Variants in FBP1 observed in about 807,000 individuals in gnomAD.
FBP1 encodes the protein fructose-1,6-bisphosphatase 1.
Under a neutral mutation model 29.9 loss-of-function variants are expected in FBP1, and 22 were observed. That is an observed-to-expected ratio of 0.74 (90% CI 0.53 to 1.05). FBP1 has a LOEUF of 1.05. Ranked by LOEUF, FBP1 falls within the 50% of genes least tolerant of loss-of-function variation. The pLI is 0.00. For missense variants in FBP1, 345 were observed against 448.2 expected (o/e 0.77, Z 2.08); for synonymous variants, 175 against 178.6 (o/e 0.98, Z 0.16).
At chr9:94,615,054 G>T (rs558982919) in intron 3 of FBP1, among the ~76,000 whole-genome samples, 87 of 152,264 alleles carry the variant, frequency 5.7e-4, no homozygotes, top group Middle Eastern at 3.4e-3. Flanking sequence ...GACTACAGGG[G>T]CCTGCCACCA....
intron 1 of FBP1, among the ~76,000 whole-genome samples, chr9:94,630,801 T>C (rs1828093939): frequency 6.6e-6 from 1 of 151,402 alleles, no homozygotes; most frequent in Non-Finnish European, 1.5e-5. Flanking sequence ...TGACATCAAG[T>C]TGTGCAAAGC....
chr9:94,607,084 C>T, intron 4 of FBP1, 132 bp from the exon 5 acceptor site: 1 of 1,043,056 alleles, frequency 9.6e-7, no homozygotes. Context: ...ATCTTGGGGC[C>T]CCGAGACACC....
At chr9:94,639,602 C>G (rs1290530390), upstream of FBP1, 1 of 525,816 alleles carries the variant, frequency 1.9e-6, no homozygotes, top group African/African-American at 2.0e-5. Flanking sequence ...GCCCCGCCTA[C>G]CCCGCGGACC....
At chr9:94,634,168 C>T (rs542191980) in intron 1 of FBP1, among the ~76,000 whole-genome samples, 258 of 151,304 alleles carry the variant, frequency 1.7e-3, no homozygotes, top group Middle Eastern at 3.4e-3. Context: ...TGGTGGTGGG[C>T]GCCTGTAATC....
At chr9:94,618,350 C>T (rs949913898) in intron 2 of FBP1, among the ~76,000 whole-genome samples, 7 of 148,318 alleles carry the variant, frequency 4.7e-5, no homozygotes, top group Non-Finnish European at 1.0e-4. Flanking sequence ...TGGCTGGGCA[C>T]GGTGGCTCAT....
At position 94,639,394 on chromosome 9, in the gene FBP1, G is replaced by T; in HGVS notation, c.-84C>A. 1 of 1,470,892 alleles carries T rather than the reference G, an allele frequency of 6.8e-7. No homozygotes were observed. Among genetic ancestry groups the T allele is most frequent in the Non-Finnish European group, 9.3e-7 (1 of 1,075,900 alleles). 91.1% of individuals were successfully genotyped at this position (1,470,892 alleles called of 1,614,324 possible). The stretch of plus-strand genomic sequence containing the variant: ...TGCGGGCGGCAAGAGAGGGCAGTAG[G>T]CACTGGCCGCAGGTGCGGAGCTGCA... On this transcript the variant is annotated 5_prime_UTR_variant, in exon 1 of 7. Coordinates refer to ENST00000375326, the MANE Select transcript of FBP1 (RefSeq NM_000507.4).
rs1283167103 is a variant in FBP1, at chr9:94,619,291, G to C, written c.333+1038C>G. Among the ~76,000 whole-genome samples, 8 of 152,172 alleles carry C rather than the reference G, an allele frequency of 5.3e-5. No individual in the cohort carries two copies. The East Asian group carries it at 5.8e-4, about 11-fold the overall frequency. On this transcript the variant is annotated intron_variant, in intron 2 of 6. Coordinates refer to ENST00000375326, the MANE Select transcript of FBP1 (RefSeq NM_000507.4). ...AGATGTGGCTCCTGCCCTCTTAATA[G>C]GGTGAGGACAGGCAGCCTCTTCATC...
chr9:94,604,593 GGTC>G, intron 6 of FBP1, among the ~76,000 whole-genome samples: 1 of 151,900 alleles, frequency 6.6e-6, no homozygotes, highest in Non-Finnish European at 1.5e-5. Flanking sequence ...GGACCAGCCT[GGTC>G]AACAAGGTGA....
At chr9:94,612,549 ATTTTTTTTT>A (rs561246840) in intron 3 of FBP1, among the ~76,000 whole-genome samples, 2 of 108,032 alleles carry the variant, frequency 1.9e-5, no homozygotes, top group South Asian at 2.9e-4. Context: ...CCAGCCCCCA[ATTTTTTTTT>A]TTTTTTTTTT....
intron 3 of FBP1, among the ~76,000 whole-genome samples, chr9:94,616,452 T>G (rs1827864241): frequency 6.6e-6 from 1 of 152,018 alleles, no homozygotes; most frequent in South Asian, 2.1e-4. Context: ...TATATACTTT[T>G]TTTTTTGAGA....
At chr9:94,605,093 A>G (rs773658456) in intron 6 of FBP1, among the ~76,000 whole-genome samples, 2 of 152,176 alleles carry the variant, frequency 1.3e-5, no homozygotes, top group Non-Finnish European at 2.9e-5. Flanking sequence ...ACTTCTACTG[A>G]GGATACACAT....
chr9:94,620,881 C>A (rs893220749), intron 1 of FBP1, among the ~76,000 whole-genome samples: 19 of 152,166 alleles, frequency 1.2e-4, no homozygotes, highest in Non-Finnish European at 1.9e-4. Flanking sequence ...CCTACGCATT[C>A]TGCATGTGTA....
chr9:94,614,770 T>G (rs1827838490), intron 3 of FBP1, among the ~76,000 whole-genome samples: 1 of 152,186 alleles, frequency 6.6e-6, no homozygotes, highest in African/African-American at 2.4e-5. Flanking sequence ...TTGGAAGCAT[T>G]ATAGATGTCT....
intron 6 of FBP1, chr9:94,603,910 T>C (rs1163625882): frequency 4.1e-5 from 15 of 366,056 alleles, no homozygotes; most frequent in Non-Finnish European, 8.0e-5. Flanking sequence ...CTGGACTTAA[T>C]GAGTGATTCT....
At chr9:94,630,181 C>T (rs891550318) in intron 1 of FBP1, among the ~76,000 whole-genome samples, 4 of 151,628 alleles carry the variant, frequency 2.6e-5, no homozygotes, top group Admixed American at 2.6e-4. Flanking sequence ...TAGAACAATG[C>T]CTGCACATAG....
chr9:94,626,265 T>A (rs1194456692), intron 1 of FBP1, among the ~76,000 whole-genome samples: 1 of 152,168 alleles, frequency 6.6e-6, no homozygotes, highest in Non-Finnish European at 1.5e-5. Flanking sequence ...AGGGAAGGCT[T>A]CTCCTGGTTA....
rs778151034 is a variant in FBP1 at position 94,609,990 on chromosome 9, T to G, written c.498A>C (p.Ala166=). 1.9e-6 allele frequency: 3 copies of G among 1,614,190 alleles called. No individual in the cohort carries two copies. The highest frequency in any genetic ancestry group is 2.5e-6 in the Non-Finnish European group (3 of 1,180,006). ...PGRNLVAAGY[A]LYGSATMLVL... ...CCAGCATGGTGGCACTGCCATACAGTGCGTAGCCGGCTGCCACCAGGTTCC... is the reference window on the plus strand; with the variant it reads ...CCAGCATGGTGGCACTGCCATACAGGGCGTAGCCGGCTGCCACCAGGTTCC... Residue 166 remains alanine, a synonymous_variant, in exon 4 of 7, where the codon GCA becomes GCC. Coordinates refer to ENST00000375326, the MANE Select transcript of FBP1 (RefSeq NM_000507.4).
At chr9:94,606,729 A>C in intron 5 of FBP1, 86 bp downstream of exon 5, 1 of 1,391,502 alleles carries the variant, frequency 7.2e-7, no homozygotes, top group Non-Finnish European at 1.0e-6. Flanking sequence ...GATCCCTTTC[A>C]TCTCCGGGGG....
intron 4 of FBP1, among the ~76,000 whole-genome samples, chr9:94,607,783 C>T (rs985938252): frequency 1.3e-5 from 2 of 151,544 alleles, no homozygotes; most frequent in South Asian, 2.1e-4. Flanking sequence ...AAAGGCCCAC[C>T]GACACCTCTC....
Sources: gnomAD v4.1 joint callset for allele counts (sites outside exome capture counted in the v4.1 genomes callset) on GRCh38, gnomAD v4.1.1 for gene constraint, MANE v1.5 for transcripts, NCBI Gene and HGNC (gene_info 2026-07-23, HGNC 2026-07-21) for gene names.